CTNNBIP1: variants seen among roughly 807,000 people sequenced by gnomAD.
CTNNBIP1 encodes catenin beta interacting protein 1, also known as beta-catenin-interacting protein 1.
In CTNNBIP1, 7 loss-of-function variants were observed where a neutral mutation model predicts 11.8. The observed-to-expected ratio is 0.60, with a 90% CI of 0.34 to 1.12. The LOEUF is 1.12. Ranked by LOEUF, CTNNBIP1 falls within the 50% of genes most tolerant of loss-of-function variation. CTNNBIP1 has a pLI of 0.03. For synonymous variants in CTNNBIP1, 58 were observed against 43.9 expected (o/e 1.32, Z -1.26); for missense variants, 101 against 113.4 (o/e 0.89, Z 0.50).
rs2101558165 is a variant in CTNNBIP1 at position 9,910,141 on chromosome 1, G to A, written c.-190C>T. 6.8e-6 allele frequency: 1 copy of A among 146,932 alleles called. No homozygotes were observed. The highest frequency in any genetic ancestry group is 2.1e-4 in the South Asian group (1 of 4,818). The allele number at this position is 146,932 out of a possible 1,614,324, so 9.1% of individuals were successfully genotyped here. A position where few individuals can be genotyped will look rare whatever the true frequency, so the allele number is the denominator to read the frequency against. On this transcript the variant is annotated 5_prime_UTR_variant, in exon 1 of 6. Coordinates refer to ENST00000377263, the MANE Select transcript of CTNNBIP1 (RefSeq NM_020248.3). ...GGCCGGCAGGGGCAGCGGGTCCGGC[G>A]CGCAGCGCGCGGCGGCCTGTTCCGG...
Position 9,883,124 on chromosome 1 carries a change from G to A in CTNNBIP1, c.-110+581C>T, listed in dbSNP as rs1464162685. On this transcript the variant is annotated intron_variant, in intron 2 of 5. Coordinates refer to ENST00000377263, the MANE Select transcript of CTNNBIP1 (RefSeq NM_020248.3). This position sits in a 1 kb window ranked among gnomAD's most constrained non-coding sequence, Gnocchi z 5.6. ...TGGGTGGCAGCAGCGGGACGGCGCA[G>A]GAGGGTAGGTCAGGGACCGGGGGAG... Among the ~76,000 whole-genome samples the A allele has an allele frequency of 6.6e-6, 1 of 152,164 alleles. No homozygotes were observed. The highest frequency in any genetic ancestry group is 1.5e-5 in the Non-Finnish European group (1 of 68,028).
chr1:9,909,001 C>T (rs968241297), intron 1 of CTNNBIP1, among the ~76,000 whole-genome samples: 1 of 152,200 alleles, frequency 6.6e-6, no homozygotes, highest in Admixed American at 6.5e-5. Context: ...GATCCAAAGT[C>T]CTACTTTAAA....
At chr1:9,852,455 T>C (rs1167251209) in intron 5 of CTNNBIP1, among the ~76,000 whole-genome samples, 1 of 152,218 alleles carries the variant, frequency 6.6e-6, no homozygotes, top group African/African-American at 2.4e-5. Context: ...GGACACGAGT[T>C]GTCCAGCTTC....
rs1638884303 is a variant in CTNNBIP1, at chr1:9,872,453, C to A, written c.-24-365G>T. Among the ~76,000 whole-genome samples the A allele has an allele frequency of 6.6e-6, 1 of 152,240 alleles. No homozygotes were observed. The highest frequency in any genetic ancestry group is 2.4e-5 in the African/African-American group (1 of 41,462). On this transcript the variant is annotated intron_variant, in intron 3 of 5. Coordinates refer to ENST00000377263, the MANE Select transcript of CTNNBIP1 (RefSeq NM_020248.3). The surrounding 1 kb of genome is among the most constrained non-coding windows in gnomAD (Gnocchi z 4.0). ...GCCACAGGACACGTGGTGCATGAAG[C>A]CCCAAATGTCCCAGGTTTTCAGAAC...
At chr1:9,876,053 A>G (rs1293960941) in intron 3 of CTNNBIP1, among the ~76,000 whole-genome samples, 1 of 152,210 alleles carries the variant, frequency 6.6e-6, no homozygotes, top group African/African-American at 2.4e-5. Context: ...TTCACTTGAG[A>G]AATCTTATTT....
At chr1:9,865,156 G>A (rs1379694268) in intron 5 of CTNNBIP1, among the ~76,000 whole-genome samples, 1 of 151,892 alleles carries the variant, frequency 6.6e-6, no homozygotes, top group South Asian at 2.1e-4. Context: ...TTGAACCTGT[G>A]AGGTGGAGGT....
chr1:9,880,340 A>G (rs2101502149), intron 2 of CTNNBIP1, among the ~76,000 whole-genome samples: 1 of 152,278 alleles, frequency 6.6e-6, no homozygotes, highest in South Asian at 2.1e-4. Flanking sequence ...GGTATTCCAC[A>G]GTGTATATGT....
intron 5 of CTNNBIP1, among the ~76,000 whole-genome samples, chr1:9,861,753 G>A (rs918385831): frequency 3.3e-5 from 5 of 152,200 alleles, no homozygotes; most frequent in Non-Finnish European, 7.4e-5. Flanking sequence ...TCCTAGGCTT[G>A]GGGTCCCTTG....
chr1:9,896,389 A>C (rs1237184659), intron 1 of CTNNBIP1, among the ~76,000 whole-genome samples: 1 of 152,232 alleles, frequency 6.6e-6, no homozygotes, highest in Non-Finnish European at 1.5e-5. Flanking sequence ...CAGTGCGAGA[A>C]GAAAATATGA....
At chr1:9,909,587 C>A (rs552794955) in intron 1 of CTNNBIP1, among the ~76,000 whole-genome samples, 1 of 152,274 alleles carries the variant, frequency 6.6e-6, no homozygotes, top group Non-Finnish European at 1.5e-5. Flanking sequence ...TTCGTGCATA[C>A]ACGCCCGCCA....
At chr1:9,898,948 G>T (rs543650588) in intron 1 of CTNNBIP1, among the ~76,000 whole-genome samples, 10 of 151,782 alleles carry the variant, frequency 6.6e-5, no homozygotes, top group Non-Finnish European at 1.3e-4. Flanking sequence ...AATATTTTTT[G>T]AATTTAATTT....
chr1:9,909,771 G>A (rs1172711336), intron 1 of CTNNBIP1, among the ~76,000 whole-genome samples: 2 of 152,140 alleles, frequency 1.3e-5, no homozygotes, highest in African/African-American at 4.8e-5. Flanking sequence ...TGAGGGAAGA[G>A]GCAGGGGCCC....
chr1:9,893,948 T>C (rs765485376), intron 1 of CTNNBIP1, among the ~76,000 whole-genome samples: 1 of 152,264 alleles, frequency 6.6e-6, no homozygotes, highest in Non-Finnish European at 1.5e-5. Context: ...TTGTACATGC[T>C]GTAAAAGGAC....
At chr1:9,880,374 A>C (rs1290476858) in intron 2 of CTNNBIP1, among the ~76,000 whole-genome samples, 1 of 152,148 alleles carries the variant, frequency 6.6e-6, no homozygotes, top group East Asian at 1.9e-4. Flanking sequence ...TATCCAGTCT[A>C]TCATTGATGG....
At chr1:9,873,773 C>T (rs533063526) in intron 3 of CTNNBIP1, among the ~76,000 whole-genome samples, 6 of 152,160 alleles carry the variant, frequency 3.9e-5, no homozygotes, top group South Asian at 2.1e-4. Flanking sequence ...CTCCCTCTGT[C>T]GCCCAGGCTG....
chr1:9,906,567 A>T lies in CTNNBIP1; in HGVS notation c.-144+3528T>A, dbSNP rs202124023. Among the ~76,000 whole-genome samples the T allele has an allele frequency of 1.2e-3, 177 of 152,204 alleles. 1 individual carries two copies. The highest frequency in any genetic ancestry group is 6.2e-3 in the East Asian group (32 of 5,170). On this transcript the variant is annotated intron_variant, in intron 1 of 5. Coordinates refer to ENST00000377263, the MANE Select transcript of CTNNBIP1 (RefSeq NM_020248.3). ...AGAGCAAAACTCCATCTAAAAAAAA[A>T]AATAATAATAAAGAGCTACACTTCA... is the stretch of plus-strand genomic sequence containing the variant.
At chr1:9,864,440 T>A (rs1638699837) in intron 5 of CTNNBIP1, among the ~76,000 whole-genome samples, 1 of 152,240 alleles carries the variant, frequency 6.6e-6, no homozygotes, top group Admixed American at 6.5e-5. Flanking sequence ...GCCATTCTCC[T>A]GCCTCAGCCT....
rs916545849 is a variant in CTNNBIP1, at chr1:9,867,771, G to C, written c.187+3416C>G. 6.6e-6 allele frequency among the ~76,000 whole-genome samples: 1 copy of C among 152,190 alleles called. No individual in the cohort carries two copies. Among genetic ancestry groups the C allele is most frequent in the East Asian group, 1.9e-4 (1 of 5,198 alleles). On this transcript the variant is annotated intron_variant, in intron 5 of 5. Coordinates refer to ENST00000377263, the MANE Select transcript of CTNNBIP1 (RefSeq NM_020248.3). This position sits in a 1 kb window ranked among gnomAD's most constrained non-coding sequence, Gnocchi z 4.6. ...CCCCCGCATCCTGCCCCAGTCCCTG[G>C]AGACAACAATCCAGGGCTTCTTCCA...
intron 1 of CTNNBIP1, among the ~76,000 whole-genome samples, chr1:9,895,301 C>T (rs1024861879): frequency 5.9e-5 from 9 of 151,908 alleles, no homozygotes; most frequent in African/African-American, 1.9e-4. Context: ...TGGGTTCCAG[C>T]GATTCTCCCA....
Sources: gnomAD v4.1 joint callset for allele counts (sites outside exome capture counted in the v4.1 genomes callset) on GRCh38, gnomAD v4.1.1 for gene constraint, Gnocchi (gnomAD v3.1) non-coding constraint, MANE v1.5 for transcripts, NCBI Gene and HGNC (gene_info 2026-07-23, HGNC 2026-07-21) for gene names.